The following FHIT variants were observed in gnomAD, a reference collection of about 807,000 sequenced individuals.
The protein encoded by FHIT is fragile histidine triad diadenosine triphosphatase, also known as bis(5'-adenosyl)-triphosphatase.
Under a neutral mutation model 17.9 loss-of-function variants are expected in FHIT, and 19 were observed. That is an observed-to-expected ratio of 1.06 (90% CI 0.74 to 1.56). FHIT has a LOEUF of 1.56. Among genes scored for constraint, FHIT ranks in the 40% most tolerant of loss-of-function variants. FHIT has a pLI of 0.00. For missense variants in FHIT, 248 were observed against 189.2 expected (o/e 1.31, Z -1.82); for synonymous variants, 81 against 69.7 (o/e 1.16, Z -0.81).
chr3:60,555,094 A>T (rs946859704), intron 4 of FHIT, among the ~76,000 whole-genome samples: 1 of 152,250 alleles, frequency 6.6e-6, no homozygotes, highest in African/African-American at 2.4e-5. Context: ...TTAGAAGTAT[A>T]TAATGCACAT....
chr3:61,089,310 G>A (rs2035404665), intron 2 of FHIT, among the ~76,000 whole-genome samples: 1 of 152,068 alleles, frequency 6.6e-6, no homozygotes, highest in Non-Finnish European at 1.5e-5. Context: ...CAATGTTGTG[G>A]AACAACTACC....
intron 4 of FHIT, among the ~76,000 whole-genome samples, chr3:60,598,227 A>G (rs1264614070): frequency 6.6e-6 from 1 of 152,102 alleles, no homozygotes; most frequent in Non-Finnish European, 1.5e-5. Context: ...AGATTAATGG[A>G]TACAGCTGAA....
At chr3:61,120,519 C>T (rs916210725) in intron 2 of FHIT, among the ~76,000 whole-genome samples, 1 of 152,124 alleles carries the variant, frequency 6.6e-6, no homozygotes, top group Non-Finnish European at 1.5e-5. Context: ...TACATCATCC[C>T]TTGGCAGTCT....
intron 3 of FHIT, among the ~76,000 whole-genome samples, chr3:61,001,574 A>G (rs1226190747): frequency 6.6e-6 from 1 of 152,244 alleles, no homozygotes; most frequent in Non-Finnish European, 1.5e-5. Context: ...ATACTATATG[A>G]TTACTTTAAT....
At chr3:60,544,103 A>T (rs2036281103) in intron 4 of FHIT, among the ~76,000 whole-genome samples, 1 of 151,600 alleles carries the variant, frequency 6.6e-6, no homozygotes, top group African/African-American at 2.4e-5. Context: ...AATAATGATA[A>T]TCATATCTTT....
rs570098943 is a variant in FHIT at position 59,951,123 on chromosome 3, C to T, written c.280-28709G>A. Among the ~76,000 whole-genome samples the T allele has an allele frequency of 2.0e-5, 3 of 152,260 alleles. No individual in the cohort carries two copies. The South Asian group carries it at 6.2e-4, about 32-fold the overall frequency. ...ACCTATGTGTTATGCATGGAAACAG[C>T]AAGGCTTAGGAAGGTTAAGGGATTT... On this transcript the variant is annotated intron_variant, in intron 7 of 9. Coordinates refer to ENST00000492590, the MANE Select transcript of FHIT (RefSeq NM_002012.4).
chr3:60,611,600 T>C (rs574015396), intron 4 of FHIT, among the ~76,000 whole-genome samples: 2 of 152,192 alleles, frequency 1.3e-5, no homozygotes, highest in Non-Finnish European at 2.9e-5. Context: ...ACGTGTTGTT[T>C]ACATAGTATT....
At chr3:60,329,538 CCT>C (rs1465917730) in intron 5 of FHIT, among the ~76,000 whole-genome samples, 1 of 152,184 alleles carries the variant, frequency 6.6e-6, no homozygotes, top group East Asian at 1.9e-4. Flanking sequence ...CAAGCAGACC[CCT>C]CTTTCTTTTT....
At chr3:59,840,755 G>A (rs1701505045) in intron 8 of FHIT, among the ~76,000 whole-genome samples, 1 of 152,112 alleles carries the variant, frequency 6.6e-6, no homozygotes, top group Non-Finnish European at 1.5e-5. Flanking sequence ...TTAAAACTGT[G>A]CAGGACTAGA....
At chr3:60,352,122 T>C (rs1477450248) in intron 5 of FHIT, among the ~76,000 whole-genome samples, 2 of 152,296 alleles carry the variant, frequency 1.3e-5, no homozygotes, top group Non-Finnish European at 2.9e-5. Flanking sequence ...GCCTTGCTCA[T>C]AGAAGGCCCT....
chr3:60,386,560 G>A (rs893278198), intron 5 of FHIT, among the ~76,000 whole-genome samples: 2 of 152,116 alleles, frequency 1.3e-5, no homozygotes, highest in African/African-American at 4.8e-5. Context: ...GACAAGGTTT[G>A]AGCATCTTCT....
intron 4 of FHIT, among the ~76,000 whole-genome samples, chr3:60,544,412 G>C (rs776749221): frequency 2.0e-5 from 3 of 151,752 alleles, no homozygotes; most frequent in South Asian, 2.1e-4. Flanking sequence ...TGACACAATT[G>C]CTTGTTCCGT....
intron 4 of FHIT, among the ~76,000 whole-genome samples, chr3:60,737,443 C>A (rs782219582): frequency 6.6e-6 from 1 of 152,194 alleles, no homozygotes; most frequent in Non-Finnish European, 1.5e-5. Flanking sequence ...TGTTCAAATT[C>A]CGTTTACAAA....
chr3:60,439,798 A>G (rs533617994), intron 5 of FHIT, among the ~76,000 whole-genome samples: 2 of 152,236 alleles, frequency 1.3e-5, no homozygotes, highest in South Asian at 4.1e-4. Context: ...AATATTCCAG[A>G]CTTGCTGCTC....
chr3:60,607,084 GTC>G (rs1274753300), intron 4 of FHIT, among the ~76,000 whole-genome samples: 1 of 152,028 alleles, frequency 6.6e-6, no homozygotes, highest in Non-Finnish European at 1.5e-5. Flanking sequence ...TATTACTAGT[GTC>G]TGTCATCAGG....
intron 4 of FHIT, among the ~76,000 whole-genome samples, chr3:60,583,386 G>C (rs558458311): frequency 6.6e-6 from 1 of 152,054 alleles, no homozygotes; most frequent in African/African-American, 2.4e-5. Flanking sequence ...TAAAGAGCTG[G>C]ATAGTAAATA....
chr3:61,164,808 C>T (rs3952592), intron 2 of FHIT, among the ~76,000 whole-genome samples: 7,867 of 152,246 alleles, frequency 0.052, 235 homozygotes, highest in Middle Eastern at 0.13. Flanking sequence ...TCACTCACTC[C>T]TCCAGTAGTC....
chr3:60,869,951 C>T (rs1553754693), intron 3 of FHIT, among the ~76,000 whole-genome samples: 1 of 152,110 alleles, frequency 6.6e-6, no homozygotes, highest in Non-Finnish European at 1.5e-5. Flanking sequence ...AGTGTGGATT[C>T]TGACAAAAGA....
intron 5 of FHIT, among the ~76,000 whole-genome samples, chr3:60,449,952 G>A (rs555334590): frequency 2.2e-5 from 3 of 138,286 alleles, no homozygotes; most frequent in Non-Finnish European, 3.0e-5. Flanking sequence ...GCAATAAACC[G>A]AGATCGGGGC....
Sources: gnomAD v4.1 joint callset for allele counts (sites outside exome capture counted in the v4.1 genomes callset) on GRCh38, gnomAD v4.1.1 for gene constraint, MANE v1.5 for transcripts, NCBI Gene and HGNC (gene_info 2026-07-23, HGNC 2026-07-21) for gene names.